The following PTGFR variants were observed in gnomAD, a reference collection of about 807,000 sequenced individuals.
PTGFR encodes prostaglandin F2-alpha receptor.
PTGFR carries 15 observed loss-of-function variants against 26.2 expected under a neutral mutation model. The observed-to-expected ratio is 0.57, with a 90% CI of 0.38 to 0.88. The LOEUF is 0.88. Ranked by LOEUF, PTGFR falls within the 40% of genes least tolerant of loss-of-function variation. PTGFR has a pLI of 0.00. For missense variants in PTGFR, 369 were observed against 427.2 expected, an observed-to-expected ratio of 0.86 and a Z score of 1.20; for synonymous variants, 165 against 151.1, an observed-to-expected ratio of 1.09 and a Z score of -0.68.
chr1:78,498,458 G>C (rs1426636283), intron 2 of PTGFR, among the ~76,000 whole-genome samples: 1 of 152,034 alleles, frequency 6.6e-6, no homozygotes, highest in Non-Finnish European at 1.5e-5. Context: ...TAAAAGTGTA[G>C]ATGTGTACAT....
chr1:78,510,636 A>G (rs1557652292), intron 2 of PTGFR, among the ~76,000 whole-genome samples: 1 of 152,102 alleles, frequency 6.6e-6, no homozygotes, highest in Non-Finnish European at 1.5e-5. Context: ...AAACTATATC[A>G]TTCCATCCCT....
In PTGFR at chr1:78,537,513, C is replaced by A. The variant is rs573029686; in HGVS notation, c.*826C>A. On this transcript the variant is annotated 3_prime_UTR_variant, in exon 3 of 3. Transcript: ENST00000370757. Reference sequence around the variant, plus strand: ...TTTCAAAACTCTACCATGGATAATGCAAACAAACCGAAGCTACATGCCAAT... The same window carrying A: ...TTTCAAAACTCTACCATGGATAATGAAAACAAACCGAAGCTACATGCCAAT... 1 of 152,182 alleles carries A rather than the reference C, an allele frequency of 6.6e-6. No individual in the cohort carries two copies. The highest frequency in any genetic ancestry group is 2.4e-5 in the African/African-American group (1 of 41,538). 9.4% of individuals were successfully genotyped at this position (152,182 alleles called of 1,614,324 possible).
intron 2 of PTGFR, among the ~76,000 whole-genome samples, chr1:78,529,431 C>T (rs1467409307): frequency 6.6e-6 from 1 of 152,086 alleles, no homozygotes; most frequent in Non-Finnish European, 1.5e-5. Flanking sequence ...ATATTTGGAG[C>T]ATAACTAATA....
intron 2 of PTGFR, 59 bp from the exon 3 acceptor site, chr1:78,536,347 A>C (rs1034155708): frequency 6.7e-7 from 1 of 1,499,530 alleles, no homozygotes; most frequent in Non-Finnish European, 8.9e-7. Flanking sequence ...CTAATTTTTT[A>C]AAAATTATAG....
At chr1:78,503,297 G>A (rs1033012476) in intron 2 of PTGFR, among the ~76,000 whole-genome samples, 3 of 152,014 alleles carry the variant, frequency 2.0e-5, no homozygotes, top group Admixed American at 2.0e-4. Context: ...TAAGGAAACC[G>A]ACTCAGGATG....
At chr1:78,511,227 T>A (rs971215381) in intron 2 of PTGFR, among the ~76,000 whole-genome samples, 1 of 152,150 alleles carries the variant, frequency 6.6e-6, no homozygotes, top group Non-Finnish European at 1.5e-5. Context: ...AACCCAAAAC[T>A]TTTCCTCTGC....
chr1:78,513,375 G>A (rs1650017988), intron 2 of PTGFR, among the ~76,000 whole-genome samples: 1 of 152,202 alleles, frequency 6.6e-6, no homozygotes, highest in African/African-American at 2.4e-5. Flanking sequence ...TCCATGTTAT[G>A]ACCTAGCAAA....
intron 2 of PTGFR, among the ~76,000 whole-genome samples, chr1:78,532,854 G>A (rs1299776797): frequency 6.6e-6 from 1 of 152,044 alleles, no homozygotes; most frequent in East Asian, 1.9e-4. Context: ...GAAAAGTGAA[G>A]GCTGTCTTAC....
At chr1:78,518,187 G>A (rs972698492) in intron 2 of PTGFR, among the ~76,000 whole-genome samples, 11 of 151,920 alleles carry the variant, frequency 7.2e-5, no homozygotes, top group Non-Finnish European at 1.5e-4. Flanking sequence ...ACACAATTAT[G>A]TTTTGTGGGA....
intron 2 of PTGFR, among the ~76,000 whole-genome samples, chr1:78,520,529 G>A (rs539189081): frequency 1.8e-4 from 27 of 152,142 alleles, no homozygotes; most frequent in Admixed American, 7.2e-4. Context: ...AGAAATTTCC[G>A]GAGCTTTTGC....
Position 78,540,082 on chromosome 1 carries a change from T to A in PTGFR, c.*3395T>A, listed in dbSNP as rs146129076. Among the ~76,000 whole-genome samples the A allele has an allele frequency of 6.1e-4, 93 of 152,208 alleles. No homozygotes were observed. The highest frequency in any genetic ancestry group is 3.4e-3 in the Middle Eastern group (1 of 294). On this transcript the variant is annotated 3_prime_UTR_variant, in exon 3 of 3. Transcript: ENST00000370757. ...ACAAAAGTTTGTATCTCCCACATGG[T>A]TCCTGTCCACTCTGAAGGGGAGCTC...
intron 2 of PTGFR, among the ~76,000 whole-genome samples, chr1:78,510,108 G>A (rs781036558): frequency 6.6e-6 from 1 of 152,196 alleles, no homozygotes; most frequent in Non-Finnish European, 1.5e-5. Context: ...TCTGAAAGAT[G>A]TCCTGTGCAT....
chr1:78,492,546 G>A (rs1261174315), intron 1 of PTGFR, 126 bp from the exon 2 acceptor site: 7 of 541,634 alleles, frequency 1.3e-5, no homozygotes, highest in Non-Finnish European at 1.9e-5. Flanking sequence ...CTTTCAGTAT[G>A]ATGCAACCTT....
At position 78,529,853 on chromosome 1, in the gene PTGFR, C is replaced by T. The variant is rs557560136; in HGVS notation, c.799-6553C>T. Among the ~76,000 whole-genome samples, 50 of 152,196 alleles carry T rather than the reference C, an allele frequency of 3.3e-4. No homozygotes were observed. The South Asian group carries it at 3.7e-3, about 11-fold the overall frequency. ...GTTCTGCCTCCTGTCAGATCAGTGG[C>T]GGCATTAGATTCTCATAGGAGCACA... On this transcript the variant is annotated intron_variant, in intron 2 of 2. Coordinates refer to ENST00000370757, the MANE Select transcript of PTGFR (RefSeq NM_000959.4).
intron 2 of PTGFR, among the ~76,000 whole-genome samples, chr1:78,495,879 T>G (rs1408191882): frequency 6.6e-6 from 1 of 152,248 alleles, no homozygotes; most frequent in Non-Finnish European, 1.5e-5. Flanking sequence ...AAACAAAGTT[T>G]CACTTTTACA....
chr1:78,522,363 A>G (rs1032753843), intron 2 of PTGFR, among the ~76,000 whole-genome samples: 1 of 152,114 alleles, frequency 6.6e-6, no homozygotes, highest in African/African-American at 2.4e-5. Flanking sequence ...GCCATGCCAT[A>G]TAATATAACA....
chr1:78,510,699 C>T (rs1403248367), intron 2 of PTGFR, among the ~76,000 whole-genome samples: 1 of 152,176 alleles, frequency 6.6e-6, no homozygotes, highest in Non-Finnish European at 1.5e-5. Context: ...ACAATCCCCT[C>T]ACAGTACTGC....
At chr1:78,523,353 AT>A (rs1434204466) in intron 2 of PTGFR, among the ~76,000 whole-genome samples, 1 of 151,958 alleles carries the variant, frequency 6.6e-6, no homozygotes, top group Admixed American at 6.6e-5. Flanking sequence ...CAGAAATCTC[AT>A]TTACTTTTAA....
Position 78,493,378 on chromosome 1 carries a change from C to T in PTGFR, c.635C>T (p.Ala212Val), listed in dbSNP as rs1570265762. 8 of 1,613,578 alleles carry T rather than the reference C, an allele frequency of 5.0e-6. 1 individual carries two copies. In the South Asian group the frequency reaches 8.8e-5, roughly 18 times the overall value. The stretch of plus-strand genomic sequence containing the variant: ...CTTTTTTCTTTTCTGGGGCTCTTAG[C>T]CCTTGGTGTTTCATTGTTGTGCAAT... The part of the protein sequence containing the change: ...LLLFSFLGLL[A>V]LGVSLLCNAI... The change falls in exon 2 of 3, where the codon GCC becomes GTC. Residue 212 changes from alanine to valine, a missense_variant. Ala to Val is a moderately conservative substitution (Grantham distance 64). Coordinates refer to ENST00000370757, the MANE Select transcript of PTGFR (RefSeq NM_000959.4).
Sources: gnomAD v4.1 joint callset for allele counts (sites outside exome capture counted in the v4.1 genomes callset) on GRCh38, gnomAD v4.1.1 for gene constraint, MANE v1.5 for transcripts, NCBI Gene and HGNC (gene_info 2026-07-23, HGNC 2026-07-21) for gene names.